Variants in CDRT4 observed in about 807,000 individuals in gnomAD.
CDRT4 encodes the protein CMT1A duplicated region transcript 4 protein.
For synonymous variants in CDRT4, 64 were observed against 69.6 expected (o/e 0.92, Z 0.40); for missense variants, 167 against 193.1 (o/e 0.87, Z 0.80).
At chr17:15,454,868 C>G (rs1297257216) in intron 1 of CDRT4, among the ~76,000 whole-genome samples, 1 of 152,088 alleles carries the variant, frequency 6.6e-6, no homozygotes, top group Admixed American at 6.6e-5. Context: ...ACATCCTGCC[C>G]CATAGTATGT....
intron 2 of CDRT4, among the ~76,000 whole-genome samples, chr17:15,445,372 G>GA (rs895733936): frequency 2.6e-5 from 4 of 152,002 alleles, no homozygotes; most frequent in Middle Eastern, 3.4e-3. Context: ...AACTAAGTTA[G>GA]AAAAAAAATG....
intron 2 of CDRT4, among the ~76,000 whole-genome samples, chr17:15,443,397 C>T (rs185958001): frequency 3.3e-5 from 5 of 150,774 alleles, no homozygotes; most frequent in South Asian, 2.1e-4. Flanking sequence ...CTCCTGCCTT[C>T]ACCTCCTGGG....
chr17:15,454,838 C>G (rs1262713854), intron 1 of CDRT4, among the ~76,000 whole-genome samples: 1 of 152,160 alleles, frequency 6.6e-6, no homozygotes, highest in African/African-American at 2.4e-5. Context: ...AGCTCAGTTT[C>G]CTCATCCCCA....
chr17:15,465,091 C>T, intron 1 of CDRT4, among the ~76,000 whole-genome samples: 1 of 143,986 alleles, frequency 6.9e-6, no homozygotes, highest in African/African-American at 2.6e-5. Flanking sequence ...CAGACACACA[C>T]AACACAGACA....
intron 2 of CDRT4, among the ~76,000 whole-genome samples, chr17:15,452,206 T>C (rs1438909329): frequency 6.6e-6 from 1 of 152,238 alleles, no homozygotes; most frequent in African/African-American, 2.4e-5. Flanking sequence ...CACTGCTCTT[T>C]ACTGCTTTTA....
At chr17:15,458,800 G>C (rs1979607514) in intron 1 of CDRT4, among the ~76,000 whole-genome samples, 1 of 152,200 alleles carries the variant, frequency 6.6e-6, no homozygotes, top group Non-Finnish European at 1.5e-5. Context: ...GACAGAGGCT[G>C]TCAAGGGGTG....
intron 2 of CDRT4, 129 bp from the exon 3 acceptor site, chr17:15,440,414 G>A: frequency 1.9e-6 from 2 of 1,047,274 alleles, no homozygotes; most frequent in Non-Finnish European, 2.8e-6. Context: ...CACCCCCTGA[G>A]AAGAGGACAT....
At chr17:15,454,909 A>G (rs1223000527) in intron 1 of CDRT4, among the ~76,000 whole-genome samples, 1 of 152,220 alleles carries the variant, frequency 6.6e-6, no homozygotes, top group Non-Finnish European at 1.5e-5. Flanking sequence ...AAGTAAAAGT[A>G]TTCCATGATC....
chr17:15,443,807 T>G (rs1597458598), intron 2 of CDRT4: 2 of 541,292 alleles, frequency 3.7e-6, no homozygotes, highest in East Asian at 4.7e-5. Context: ...TGACAAAGGG[T>G]GGGGTAACGG....
intron 2 of CDRT4, among the ~76,000 whole-genome samples, chr17:15,446,746 C>G (rs1362157623): frequency 6.6e-6 from 1 of 152,194 alleles, no homozygotes; most frequent in Non-Finnish European, 1.5e-5. Context: ...CAGAATTGCT[C>G]ATCTTCTAAC....
chr17:15,443,961 G>GA, intron 2 of CDRT4: 1 of 696,054 alleles, frequency 1.4e-6, no homozygotes, highest in East Asian at 2.9e-5. Context: ...GTCTCCTGTC[G>GA]AAATCCAAAA....
At chr17:15,440,480 G>T (rs1978708320) in intron 2 of CDRT4, among the ~76,000 whole-genome samples, 195 bp from the exon 3 acceptor site, 1 of 152,106 alleles carries the variant, frequency 6.6e-6, no homozygotes, top group Admixed American at 6.5e-5. Context: ...CTGCAGGCAT[G>T]GCCTTGCTCA....
In CDRT4 at chr17:15,437,174, A is replaced by G. The variant is rs1394293622; in HGVS notation, c.*599T>C. 1 of 153,728 alleles carries G rather than the reference A, an allele frequency of 6.5e-6. No individual in the cohort carries two copies. Among genetic ancestry groups the G allele is most frequent in the African/African-American group, 2.4e-5 (1 of 41,440 alleles). 9.5% of individuals were successfully genotyped at this position (153,728 alleles called of 1,614,324 possible). ...CACCAACAAAACATCTCCCCTATTCAGAGGAGGGGGCACCATCCCCACAGG... is the reference window on the plus strand; with the variant it reads ...CACCAACAAAACATCTCCCCTATTCGGAGGAGGGGGCACCATCCCCACAGG... On this transcript the variant is annotated 3_prime_UTR_variant, in exon 4 of 4. Coordinates refer to ENST00000619038, the MANE Select transcript of CDRT4 (RefSeq NM_001204477.2).
At chr17:15,438,530 TA>T (rs1184545744) in intron 3 of CDRT4, among the ~76,000 whole-genome samples, 1 of 152,170 alleles carries the variant, frequency 6.6e-6, no homozygotes. Context: ...GCCTGAGAAC[TA>T]AAGAAAGTAA....
chr17:15,446,427 C>T (rs1444796911), intron 2 of CDRT4, among the ~76,000 whole-genome samples: 1 of 151,998 alleles, frequency 6.6e-6, no homozygotes, highest in East Asian at 1.9e-4. Flanking sequence ...CCTTGGGAAT[C>T]GTAGAAATGT....
chr17:15,438,992 G>T (rs1401264344), intron 3 of CDRT4, among the ~76,000 whole-genome samples: 3 of 152,184 alleles, frequency 2.0e-5, no homozygotes, highest in Non-Finnish European at 4.4e-5. Flanking sequence ...TTTGCCGAGG[G>T]GGGTGGGTGT....
chr17:15,439,119 T>C (rs772830620), intron 3 of CDRT4: 38 of 456,136 alleles, frequency 8.3e-5, no homozygotes, highest in Middle Eastern at 6.5e-4. Context: ...TTAGCAGAAA[T>C]GATTCAATTT....
chr17:15,459,093 G>C (rs533476403), intron 1 of CDRT4, among the ~76,000 whole-genome samples: 1 of 152,178 alleles, frequency 6.6e-6, no homozygotes, highest in African/African-American at 2.4e-5. Context: ...CCTAGACTCA[G>C]AACAGCTATG....
intron 2 of CDRT4, chr17:15,444,106 C>A: frequency 8.0e-7 from 1 of 1,257,106 alleles, no homozygotes; most frequent in African/African-American, 1.5e-5. Context: ...CAGCAAGCCA[C>A]AACAGTTAAA....
Sources: allele counts gnomAD v4.1 joint callset (sites outside exome capture counted in the v4.1 genomes callset), GRCh38; gene constraint gnomAD v4.1.1; transcripts MANE v1.5; gene names NCBI Gene and HGNC (gene_info 2026-07-23, HGNC 2026-07-21).